The following CDC42BPB variants were observed in gnomAD, a reference collection of about 807,000 sequenced individuals.
CDC42BPB encodes CDC42 binding protein kinase beta.
Under a neutral mutation model 214.9 loss-of-function variants are expected in CDC42BPB, and 37 were observed. The observed-to-expected ratio is 0.17, with a 90% CI of 0.13 to 0.23. CDC42BPB has a LOEUF of 0.23. Among genes scored for constraint, CDC42BPB ranks in the 10% least tolerant of loss-of-function variants. The pLI is 1.00. For missense variants in CDC42BPB, 1,694 were observed against 2,227.0 expected (o/e 0.76, Z 4.82); for synonymous variants, 931 against 884.0 (o/e 1.05, Z -0.94).
Position 102,999,612 on chromosome 14 carries a change from T to C in CDC42BPB, c.549A>G (p.Glu183=). 3 of 1,614,178 alleles carry C rather than the reference T, an allele frequency of 1.9e-6. No individual in the cohort carries two copies. Among genetic ancestry groups the C allele is most frequent in the Non-Finnish European group, 2.5e-6 (3 of 1,180,028 alleles). ...GGATGGAGTCAATGGCCAGCACCAT[T>C]TCACCAATGTAGAACCTCGCCATAT... ...PEDMARFYIG[E]MVLAIDSIHQ... is the part of the protein sequence containing the mutation. Residue 183 remains glutamate, a synonymous_variant, in exon 5 of 37, where the codon GAA becomes GAG. Coordinates refer to ENST00000361246, the MANE Select transcript of CDC42BPB (RefSeq NM_006035.4).
intron 9 of CDC42BPB, 85 bp downstream of exon 9, chr14:102,978,041 C>G (rs1292369795): frequency 1.9e-6 from 2 of 1,072,018 alleles, no homozygotes; most frequent in East Asian, 2.4e-5. Context: ...CCCACTAGCC[C>G]GCCCCCAGGG....
chr14:103,013,781 C>G (rs1886294321), intron 1 of CDC42BPB, among the ~76,000 whole-genome samples: 4 of 152,220 alleles, frequency 2.6e-5, no homozygotes, highest in Admixed American at 2.6e-4. Flanking sequence ...GGCTGACGCC[C>G]TGCCTCTGGA....
At chr14:103,003,827 TAAA>T in intron 4 of CDC42BPB, 98 bp downstream of exon 4, 1 of 896,464 alleles carries the variant, frequency 1.1e-6, no homozygotes, top group Admixed American at 2.5e-5. Flanking sequence ...ACACATTTTT[TAAA>T]TGTCAGTTCC....
chr14:103,047,167 C>T (rs532256942), intron 1 of CDC42BPB, among the ~76,000 whole-genome samples: 1 of 150,684 alleles, frequency 6.6e-6, no homozygotes, highest in East Asian at 2.0e-4. Flanking sequence ...GCCTGTAATC[C>T]CAGCTACTTG....
At chr14:103,028,404 T>C (rs562114592) in intron 1 of CDC42BPB, among the ~76,000 whole-genome samples, 1 of 152,184 alleles carries the variant, frequency 6.6e-6, no homozygotes, top group Non-Finnish European at 1.5e-5. Flanking sequence ...GTGGGTAAAT[T>C]AAGGATAATC....
At chr14:102,981,431 A>G (rs1459992924) in intron 7 of CDC42BPB, among the ~76,000 whole-genome samples, 1 of 152,206 alleles carries the variant, frequency 6.6e-6, no homozygotes, top group African/African-American at 2.4e-5. Context: ...ACTGCACTGT[A>G]TTTTGACCAA....
intron 3 of CDC42BPB, among the ~76,000 whole-genome samples, chr14:103,006,682 TATAAAA>T (rs1444563436): frequency 6.6e-6 from 1 of 152,236 alleles, no homozygotes; most frequent in African/African-American, 2.4e-5. Flanking sequence ...AAGTCTATGA[TATAAAA>T]ATAAAAAGAT....
chr14:103,057,348 G>A lies in CDC42BPB; in HGVS notation c.-175C>T, dbSNP rs947422838. 9.8e-7 allele frequency: 1 copy of A among 1,020,966 alleles called. No individual in the cohort carries two copies. The highest frequency in any genetic ancestry group is 1.2e-6 in the Non-Finnish European group (1 of 855,084). 63.2% of individuals were successfully genotyped at this position (1,020,966 alleles called of 1,614,324 possible). ...AGGCCGACATCTTGGGCTCCGTCCC[G>A]ACGGCGCAGAGTCTGGGGCGCCGGG... On this transcript the variant is annotated 5_prime_UTR_variant, in exon 1 of 37. Transcript: ENST00000361246.
chr14:102,940,714 T>G (rs1891852386), intron 30 of CDC42BPB: 1 of 262,292 alleles, frequency 3.8e-6, no homozygotes, highest in African/African-American at 2.2e-5. Context: ...GTGAGGCTAA[T>G]TCTTCCGTAG....
intron 1 of CDC42BPB, 76 bp downstream of exon 1, chr14:103,056,923 G>A: frequency 9.2e-7 from 1 of 1,081,322 alleles, no homozygotes; most frequent in Non-Finnish European, 1.2e-6. Flanking sequence ...GGCGGGGATG[G>A]GCGGGCGTGG....
rs1566894346 is a variant in CDC42BPB at position 103,001,574 on chromosome 14, C to CA, written c.448-1862dup. On this transcript the variant is annotated intron_variant, in intron 4 of 36. Transcript: ENST00000361246. The surrounding 1 kb of genome is among the most constrained non-coding windows in gnomAD (Gnocchi z 5.8). ...ACAGTGGGGGCTGCAGCCCCACACTCAGAGCAGTGAGTGGGTGATGTTCCC... is the reference window on the plus strand; with the variant it reads ...ACAGTGGGGGCTGCAGCCCCACACTCAAGAGCAGTGAGTGGGTGATGTTCCC... Among the ~76,000 whole-genome samples, 1 of 152,208 alleles carries CA rather than the reference C, an allele frequency of 6.6e-6. No homozygotes were observed. The highest frequency in any genetic ancestry group is 1.5e-5 in the Non-Finnish European group (1 of 68,030).
At chr14:102,961,077 G>A (rs1425127802) in intron 20 of CDC42BPB, among the ~76,000 whole-genome samples, 1 of 152,076 alleles carries the variant, frequency 6.6e-6, no homozygotes, top group African/African-American at 2.4e-5. Flanking sequence ...TGAGGTGGGA[G>A]GATCACTTGA....
chr14:102,952,646 CTT>C, intron 23 of CDC42BPB, 43 bp from the exon 24 acceptor site: 8 of 1,592,854 alleles, frequency 5.0e-6, no homozygotes, highest in Non-Finnish European at 6.0e-6. Context: ...ACCATGGACT[CTT>C]GAGAGTCAGA....
At position 103,057,319 on chromosome 14, in the gene CDC42BPB, G is replaced by C; in HGVS notation, c.-146C>G. The C allele has an allele frequency of 9.6e-7, 1 of 1,046,098 alleles. No individual in the cohort carries two copies. Among genetic ancestry groups the C allele is most frequent in the African/African-American group, 1.7e-5 (1 of 58,212 alleles). 64.8% of individuals were successfully genotyped at this position (1,046,098 alleles called of 1,614,324 possible). ...GCCCCGTCCGCGTCGTCGCGCCCCG[G>C]CCTAGGCCGACATCTTGGGCTCCGT... On this transcript the variant is annotated 5_prime_UTR_variant, in exon 1 of 37. Coordinates refer to ENST00000361246, the MANE Select transcript of CDC42BPB (RefSeq NM_006035.4).
chr14:103,014,237 G>A (rs1307349130), intron 1 of CDC42BPB, among the ~76,000 whole-genome samples: 1 of 151,158 alleles, frequency 6.6e-6, no homozygotes, highest in East Asian at 2.0e-4. Flanking sequence ...AGAGCACAAG[G>A]CAAGGCCAGG....
At chr14:102,937,830 G>C (rs1891709178) in intron 36 of CDC42BPB, among the ~76,000 whole-genome samples, 1 of 152,262 alleles carries the variant, frequency 6.6e-6, no homozygotes, top group Non-Finnish European at 1.5e-5. Flanking sequence ...AAAGAGGCAG[G>C]TTGGCGGGAA....
rs1595126155 is a variant in CDC42BPB at position 102,998,800 on chromosome 14, GA to G, written c.596+764del. ...GCACGGCACAGAGAAGACCAGAGTT[GA>G]GAAAGAATGTGGGGACAGAGGGCCC... On this transcript the variant is annotated intron_variant, in intron 5 of 36. Coordinates refer to ENST00000361246, the MANE Select transcript of CDC42BPB (RefSeq NM_006035.4). Among the ~76,000 whole-genome samples, 3 of 152,302 alleles carry G rather than the reference GA, an allele frequency of 2.0e-5. No homozygotes were observed. In the East Asian group the frequency reaches 5.8e-4, roughly 29 times the overall value.
chr14:102,996,135 C>T (rs1053858722), intron 5 of CDC42BPB, among the ~76,000 whole-genome samples: 2 of 152,118 alleles, frequency 1.3e-5, no homozygotes. Flanking sequence ...GTCAGGAGAT[C>T]AAGACCATTC....
rs547076708 is a variant in CDC42BPB, at chr14:102,932,645, G to C, written c.*1067C>G. The stretch of plus-strand genomic sequence containing the variant: ...ACCGGTGGGAGGACAGGGGAAGCCT[G>C]GCCCAAGCTGTGGACAAGCTGTGTC... On this transcript the variant is annotated 3_prime_UTR_variant, in exon 37 of 37. Coordinates refer to ENST00000361246, the MANE Select transcript of CDC42BPB (RefSeq NM_006035.4). 19 of 152,448 alleles carry C rather than the reference G, an allele frequency of 1.2e-4. No individual in the cohort carries two copies. Among genetic ancestry groups the C allele is most frequent in the Middle Eastern group, 3.4e-3 (1 of 292 alleles). The allele number at this position is 152,448 out of a possible 1,614,324, so 9.4% of individuals were successfully genotyped here.
Sources: gnomAD v4.1 joint callset for allele counts (sites outside exome capture counted in the v4.1 genomes callset) on GRCh38, gnomAD v4.1.1 for gene constraint, Gnocchi (gnomAD v3.1) non-coding constraint, MANE v1.5 for transcripts, NCBI Gene and HGNC (gene_info 2026-07-23, HGNC 2026-07-21) for gene names.